Variants in VSIG2 observed in about 807,000 individuals in gnomAD.
VSIG2 encodes V-set and immunoglobulin domain-containing protein 2.
A neutral mutation model predicts 29.4 loss-of-function variants in VSIG2; 30 were observed. That is an observed-to-expected ratio of 1.02 (90% CI 0.76 to 1.38). VSIG2 has a LOEUF of 1.38. Ranked by LOEUF, VSIG2 falls within the 40% of genes most tolerant of loss-of-function variation. The probability of loss-of-function intolerance (pLI) is 0.00; values close to 1 mark genes in which losing one functional copy is unlikely to be tolerated. For missense variants in VSIG2, 421 were observed against 400.8 expected (o/e 1.05, Z -0.43); for synonymous variants, 178 against 174.2 (o/e 1.02, Z -0.17).
rs1944093478 is a variant in VSIG2 at position 124,752,096 on chromosome 11, TA to T, written c.41del (p.Leu14GlnfsTer6). 6.2e-7 allele frequency: 1 copy of T among 1,606,696 alleles called. No homozygotes were observed. Among genetic ancestry groups the T allele is most frequent in the Non-Finnish European group, 8.5e-7 (1 of 1,178,814 alleles). ...CCTCACCACTCAGGCACAGGAAGCC[TA>T]GCAGGGCCCCGCAGAGAAAGGGCCC... is the stretch of plus-strand genomic sequence containing the variant. ...LPGPFLCGALLGFLCLSGLAV... is the reference protein window; with the variant it reads ...LPGPFLCGALXGFLCLSGLAV... On this transcript the variant is annotated frameshift_variant, in exon 1 of 7. Transcript: ENST00000326621. LOFTEE classifies it high-confidence loss of function.
chr11:124,751,232 A>G (rs1944082042), intron 2 of VSIG2, among the ~76,000 whole-genome samples, 191 bp downstream of exon 2: 1 of 152,124 alleles, frequency 6.6e-6, no homozygotes, highest in Non-Finnish European at 1.5e-5. Context: ...AGTTGGAAAT[A>G]GGAGCTATGG....
chr11:124,751,958 C>A (rs1005145758), intron 1 of VSIG2, 119 bp downstream of exon 1: 1 of 1,233,266 alleles, frequency 8.1e-7, no homozygotes, highest in South Asian at 1.6e-5. Context: ...CGCCTTAGGG[C>A]CCCTGGCGCC....
intron 2 of VSIG2, among the ~76,000 whole-genome samples, 172 bp from the exon 3 acceptor site, chr11:124,751,093 T>G (rs1446516942): frequency 6.6e-6 from 1 of 151,870 alleles, no homozygotes; most frequent in Non-Finnish European, 1.5e-5. Context: ...CCACCCCCTT[T>G]CAGGTGCTAA....
chr11:124,748,137 T>C, intron 6 of VSIG2: 1 of 487,444 alleles, frequency 2.1e-6, no homozygotes, highest in Non-Finnish European at 3.6e-6. Context: ...TTATTAAATA[T>C]GAGGAGGGGC....
At chr11:124,751,336 C>T in intron 2 of VSIG2, 87 bp downstream of exon 2, 2 of 1,549,084 alleles carry the variant, frequency 1.3e-6, no homozygotes, top group Non-Finnish European at 1.8e-6. Context: ...TACTGATCCC[C>T]AAACTCCCCC....
chr11:124,748,428 C>G lies in VSIG2; in HGVS notation c.813G>C (p.Gly271=). ...CCCCATATGTCTCCTTGGGCTTCTT[C>G]CCCCTCTCTTTCTGGAACCTGACCA... ...FCLVRFQKER[G]KKPKETYGGS... Residue 271 remains glycine (G), a synonymous_variant, in exon 6 of 7, where the codon GGG becomes GGC. Transcript: ENST00000326621. 6.2e-7 allele frequency: 1 copy of G among 1,614,110 alleles called. No homozygotes were observed. Among genetic ancestry groups the G allele is most frequent in the South Asian group, 1.1e-5 (1 of 91,080 alleles).
intron 6 of VSIG2, 21 bp downstream of exon 6, chr11:124,748,369 C>G (rs755999131): frequency 1.9e-6 from 3 of 1,574,098 alleles, no homozygotes; most frequent in Non-Finnish European, 2.6e-6. Flanking sequence ...CCTTGCGCCA[C>G]CCCCCAGCCC....
At chr11:124,749,895 A>AC (rs1555108822) in intron 3 of VSIG2, 29 bp from the exon 4 acceptor site, 9 of 1,485,762 alleles carry the variant, frequency 6.1e-6, no homozygotes, top group Admixed American at 2.2e-5. Context: ...AAAAAAAAAA[A>AC]CAGAAAGTTC....
At chr11:124,751,032 G>A in intron 2 of VSIG2, 111 bp from the exon 3 acceptor site, 1 of 1,129,882 alleles carries the variant, frequency 8.9e-7, no homozygotes, top group South Asian at 1.5e-5. Flanking sequence ...ATCAGCCAGG[G>A]AGGCTGATAC....
intron 2 of VSIG2, among the ~76,000 whole-genome samples, chr11:124,751,153 G>C (rs1944081027): frequency 6.6e-6 from 1 of 151,966 alleles, no homozygotes; most frequent in African/African-American, 2.4e-5. Flanking sequence ...GAGAGAGGCA[G>C]AAGAGGCAGC....
At chr11:124,750,211 C>T (rs1428754839) in intron 3 of VSIG2, among the ~76,000 whole-genome samples, 3 of 152,246 alleles carry the variant, frequency 2.0e-5, no homozygotes, top group African/African-American at 4.8e-5. Flanking sequence ...ATACACCCAT[C>T]CGAGGCCTTC....
At position 124,749,725 on chromosome 11, in the gene VSIG2, G is replaced by A. The variant is rs1164520946; in HGVS notation, c.569C>T (p.Pro190Leu). 1.9e-6 allele frequency: 3 copies of A among 1,613,484 alleles called. No individual in the cohort carries two copies. In the African/African-American group the frequency reaches 4.0e-5, roughly 22 times the overall value. ...VRLGTFPTPS[P>L]GSMVQDEVSG... ...GCCCTTACCTTGAACCATGCTGCCA[G>A]GAGAAGGTGTAGGAAAAGTTCCAAG... The change falls in exon 4 of 7, where the codon CCT becomes CTT. Residue 190 changes from proline (P) to leucine (L), a missense_variant. Physicochemically the swap from Pro to Leu is moderately conservative, Grantham distance 98. Transcript: ENST00000326621.
chr11:124,748,844 C>T (rs1255109093), intron 4 of VSIG2, 81 bp from the exon 5 acceptor site: 16 of 1,605,156 alleles, frequency 1.0e-5, no homozygotes, highest in Admixed American at 1.7e-5. Context: ...TCATGTCATC[C>T]TTATAACAAT....
Position 124,751,435 on chromosome 11 carries a change from A to G in VSIG2, c.207T>C (p.Ser69=). 1 of 1,612,410 alleles carries G rather than the reference A, an allele frequency of 6.2e-7. No homozygotes were observed. The highest frequency in any genetic ancestry group is 8.5e-7 in the Non-Finnish European group (1 of 1,179,988). Residue 69 remains serine (S), a synonymous_variant, in exon 2 of 7, where the codon TCT becomes TCC. Transcript: ENST00000326621. ...WSFVQPGKPI[S]ESHPILYFTN... ...GCTCTCAGCTCACTGGATGGGACTC[A>G]GAGATGGGTTTCCCAGGCTGCACAA...
rs201850594 is a variant in VSIG2, at chr11:124,749,874, A to ACAAAAAAAAAACAAAAAAAAAAC, written c.428-9_428-8insGTTTTTTTTTTGTTTTTTTTTTG. The stretch of plus-strand genomic sequence containing the variant: ...AGGGATTACTGGGGGGAACTGCAAA[A>ACAAAAAAAAAACAAAAAAAAAAC]AAAAAAAAAAAAAAAAAAAAACAGA... On this transcript the variant is annotated splice_polypyrimidine_tract_variant and intron_variant, in intron 3 of 6. Transcript: ENST00000326621. The ACAAAAAAAAAACAAAAAAAAAAC allele has an allele frequency of 5.4e-6, 7 of 1,289,430 alleles. No homozygotes were observed. The highest frequency in any genetic ancestry group is 1.5e-5 in the South Asian group (1 of 67,628). The allele number at this position is 1,289,430 out of a possible 1,614,324, so 79.9% of individuals were successfully genotyped here.
At chr11:124,748,203 C>G (rs1447124679) in intron 6 of VSIG2, 187 bp downstream of exon 6, 3 of 658,192 alleles carry the variant, frequency 4.6e-6, no homozygotes, top group Non-Finnish European at 7.6e-6. Flanking sequence ...CCACTCCACC[C>G]TGTACCGCTT....
At chr11:124,748,257 A>G in intron 6 of VSIG2, 133 bp downstream of exon 6, 2 of 1,089,214 alleles carry the variant, frequency 1.8e-6, no homozygotes, top group Non-Finnish European at 2.6e-6. Flanking sequence ...GCCACCAGCA[A>G]ATTCCACGGC....
rs1555108851 is a variant in VSIG2 at position 124,749,885 on chromosome 11, A to AAAAAAAAAAACAAAAAAAAAAAC, written c.428-20_428-19insGTTTTTTTTTTTGTTTTTTTTTT. On this transcript the variant is annotated intron_variant, in intron 3 of 6. Coordinates refer to ENST00000326621, the MANE Select transcript of VSIG2 (RefSeq NM_014312.5). ...GGGGGAACTGCAAAAAAAAAAAAAA[A>AAAAAAAAAAACAAAAAAAAAAAC]AAAAAAAAAACAGAAAGTTCCTCAG... The AAAAAAAAAAACAAAAAAAAAAAC allele has an allele frequency of 2.5e-5, 36 of 1,419,108 alleles. No homozygotes were observed. The highest frequency in any genetic ancestry group is 1.3e-4 in the African/African-American group (7 of 54,200). The allele number at this position is 1,419,108 out of a possible 1,614,324, so 87.9% of individuals were successfully genotyped here.
At position 124,748,737 on chromosome 11, in the gene VSIG2, T is replaced by C. The variant is rs776628294; in HGVS notation, c.613A>G (p.Thr205Ala). The change falls in exon 5 of 7, where the codon ACC becomes GCC. Residue 205 changes from threonine (T) to alanine (A), a missense_variant. Coordinates refer to ENST00000326621, the MANE Select transcript of VSIG2 (RefSeq NM_014312.5). ...QDEVSGQLIL[T>A]NLSLTSSGTY... ...CCCGAGGAGGTCAGGGAGAGGTTGG[T>C]GAGAATGAGCTGGCCAGACACCTCA... 6 of 1,613,998 alleles carry C rather than the reference T, an allele frequency of 3.7e-6. No individual in the cohort carries two copies. In the Admixed American group the frequency reaches 1.0e-4, roughly 27 times the overall value.
Sources: gnomAD v4.1 joint callset for allele counts (sites outside exome capture counted in the v4.1 genomes callset) on GRCh38, gnomAD v4.1.1 for gene constraint, MANE v1.5 for transcripts, NCBI Gene and HGNC (gene_info 2026-07-23, HGNC 2026-07-21) for gene names.